Variants in ATP8B4 observed in about 807,000 individuals in gnomAD.
ATP8B4 encodes probable phospholipid-transporting ATPase IM.
In ATP8B4, 133 loss-of-function variants were observed where a neutral mutation model predicts 145.6. The ratio of observed to expected loss-of-function variants is 0.91; its 90% CI spans 0.79 to 1.05. ATP8B4 has a LOEUF of 1.05. ATP8B4 is among the 50% of genes least tolerant of loss of function. The probability of loss-of-function intolerance (pLI) is 0.00; values close to 1 mark genes in which losing one functional copy is unlikely to be tolerated. For synonymous variants in ATP8B4, 507 were observed against 492.9 expected (o/e 1.03, Z -0.38); for missense variants, 1,458 against 1,425.2 (o/e 1.02, Z -0.37).
At chr15:49,996,138 T>C (rs1018550764) in intron 9 of ATP8B4, among the ~76,000 whole-genome samples, 1 of 152,102 alleles carries the variant, frequency 6.6e-6, no homozygotes. Context: ...AACCATGGTC[T>C]AAAATAAAAG....
Position 49,983,774 on chromosome 15 carries a change from GC to G in ATP8B4, c.749-2481del, listed in dbSNP as rs533424550. On this transcript the variant is annotated intron_variant, in intron 10 of 27. Coordinates refer to ENST00000284509, the MANE Select transcript of ATP8B4 (RefSeq NM_024837.4). Reference sequence around the variant, plus strand: ...CCACAAGGTCTACCAGCATGGTCTAGCCCCTATCCATGTCTCCAGTCCCATA... The same window carrying G: ...CCACAAGGTCTACCAGCATGGTCTAGCCCTATCCATGTCTCCAGTCCCATA... 1.2e-4 allele frequency among the ~76,000 whole-genome samples: 18 copies of G among 152,288 alleles called. No individual in the cohort carries two copies. In the South Asian group the frequency reaches 3.1e-3, roughly 26 times the overall value.
chr15:50,142,456 T>A (rs575573423), intron 1 of ATP8B4, among the ~76,000 whole-genome samples: 2 of 152,144 alleles, frequency 1.3e-5, no homozygotes, highest in East Asian at 3.9e-4. Context: ...CCACTCACCA[T>A]CCACTTCCTC....
rs765131933 is a variant in ATP8B4 at position 49,972,788 on chromosome 15, A to AC, written c.1036dup (p.Val346GlyfsTer36). 4 of 1,613,036 alleles carry AC rather than the reference A, an allele frequency of 2.5e-6. No homozygotes were observed. Among genetic ancestry groups the AC allele is most frequent in the Non-Finnish European group, 2.5e-6 (3 of 1,179,406 alleles). ...ACTGTGTCCTAGACGAATTACTTCCACACTATCATCCATTAAAATGGAAAA... is the reference window on the plus strand; with the variant it reads ...ACTGTGTCCTAGACGAATTACTTCCACCACTATCATCCATTAAAATGGAAAA... On this transcript the variant is annotated frameshift_variant and splice_region_variant, in exon 13 of 28. Coordinates refer to ENST00000284509, the MANE Select transcript of ATP8B4 (RefSeq NM_024837.4). LOFTEE classifies it high-confidence loss of function.
At chr15:50,099,042 GC>G (rs2056176062) in intron 2 of ATP8B4, among the ~76,000 whole-genome samples, 2 of 152,194 alleles carry the variant, frequency 1.3e-5, no homozygotes, top group South Asian at 4.2e-4. Flanking sequence ...GACATACACA[GC>G]CCCGGTCTGA....
intron 23 of ATP8B4, 82 bp from the exon 24 acceptor site, chr15:49,879,541 T>G (rs2035054341): frequency 7.9e-7 from 1 of 1,259,942 alleles, no homozygotes; most frequent in Admixed American, 2.4e-5. Flanking sequence ...TAACCAGGTT[T>G]TCTGAGGTGG....
At position 49,998,780 on chromosome 15, in the gene ATP8B4, T is replaced by C. The variant is rs531431787; in HGVS notation, c.507-2021A>G. Among the ~76,000 whole-genome samples the C allele has an allele frequency of 6.4e-4, 98 of 152,382 alleles. 1 individual carries two copies. The highest frequency in any genetic ancestry group is 2.2e-3 in the African/African-American group (93 of 41,588). ...TTGTCAATTTTGGCTTTTGTTGCCA[T>C]TGCTCTTGGTGTTTTAGACATGAAG... On this transcript the variant is annotated intron_variant, in intron 8 of 27. Transcript: ENST00000284509.
At chr15:49,903,548 A>G (rs2038279785) in intron 20 of ATP8B4, among the ~76,000 whole-genome samples, 1 of 152,220 alleles carries the variant, frequency 6.6e-6, no homozygotes, top group Non-Finnish European at 1.5e-5. Context: ...ATGGTTGGAA[A>G]AAAGAGTCGT....
At chr15:49,899,654 A>T (rs1484401772) in intron 21 of ATP8B4, among the ~76,000 whole-genome samples, 1 of 151,852 alleles carries the variant, frequency 6.6e-6, no homozygotes, top group Non-Finnish European at 1.5e-5. Context: ...TCTCTTTTTT[A>T]TTATCAGCAA....
chr15:49,891,660 T>G (rs2036818089), intron 23 of ATP8B4, among the ~76,000 whole-genome samples: 1 of 152,164 alleles, frequency 6.6e-6, no homozygotes, highest in Non-Finnish European at 1.5e-5. Flanking sequence ...ATTTATGCAC[T>G]TATTTATTTC....
chr15:49,893,006 A>T (rs2036993681), intron 23 of ATP8B4, among the ~76,000 whole-genome samples: 1 of 152,198 alleles, frequency 6.6e-6, no homozygotes, highest in Non-Finnish European at 1.5e-5. Flanking sequence ...AAATCTTTGG[A>T]AAGAGAAAGA....
upstream of ATP8B4, among the ~76,000 whole-genome samples, chr15:50,123,298 T>C (rs957726334): frequency 6.6e-6 from 1 of 152,220 alleles, no homozygotes; most frequent in African/African-American, 2.4e-5. Context: ...ATTTAGTTTA[T>C]AGTTTAACTT....
chr15:50,044,551 A>C (rs187218189), intron 5 of ATP8B4, 43 bp downstream of exon 5: 1 of 1,358,402 alleles, frequency 7.4e-7, no homozygotes, highest in Non-Finnish European at 1.0e-6. Context: ...AGAAGCCACA[A>C]CTGAAATTGA....
chr15:50,173,115 G>A (rs2140873138), intron 1 of ATP8B4, among the ~76,000 whole-genome samples: 1 of 151,062 alleles, frequency 6.6e-6, no homozygotes, highest in South Asian at 2.1e-4. Flanking sequence ...CGTCTGGGAG[G>A]TGGGGGGCGC....
At chr15:50,073,009 T>C (rs1446738331) in intron 3 of ATP8B4, among the ~76,000 whole-genome samples, 12 of 50,574 alleles carry the variant, frequency 2.4e-4, no homozygotes, top group African/African-American at 1.1e-3. Context: ...TATATATATA[T>C]ATATATATAT....
At chr15:50,016,409 G>A (rs1030234222) in intron 6 of ATP8B4, among the ~76,000 whole-genome samples, 1 of 152,204 alleles carries the variant, frequency 6.6e-6, no homozygotes, top group Non-Finnish European at 1.5e-5. Flanking sequence ...AGAAAACAGA[G>A]CTATTGGTCT....
intron 1 of ATP8B4, among the ~76,000 whole-genome samples, chr15:50,173,124 G>A (rs1480122481): frequency 6.7e-5 from 10 of 149,124 alleles, no homozygotes; most frequent in East Asian, 2.0e-4. Flanking sequence ...GGTGGGGGGC[G>A]CCTCTGCCCG....
At chr15:49,905,670 C>T (rs1033214404) in intron 20 of ATP8B4, among the ~76,000 whole-genome samples, 2 of 152,114 alleles carry the variant, frequency 1.3e-5, no homozygotes, top group African/African-American at 2.4e-5. Flanking sequence ...CCCAAGGCTC[C>T]TGAAATATTG....
intron 6 of ATP8B4, among the ~76,000 whole-genome samples, chr15:50,038,228 G>A (rs1172458761): frequency 6.6e-5 from 10 of 151,974 alleles, no homozygotes; most frequent in Non-Finnish European, 1.2e-4. Context: ...TGTTTTTAAA[G>A]CATTTCTGAT....
chr15:49,910,564 T>A (rs1008663432), intron 20 of ATP8B4, among the ~76,000 whole-genome samples: 1 of 152,106 alleles, frequency 6.6e-6, no homozygotes, highest in Non-Finnish European at 1.5e-5. Flanking sequence ...CTGTCTAAAG[T>A]CAATGACAAT....
Sources: allele counts gnomAD v4.1 joint callset (sites outside exome capture counted in the v4.1 genomes callset), GRCh38; gene constraint gnomAD v4.1.1; transcripts MANE v1.5; gene names NCBI Gene and HGNC (gene_info 2026-07-23, HGNC 2026-07-21).